GSX1: variants seen among roughly 807,000 people sequenced by gnomAD.
GSX1 encodes GS homeobox 1.
A neutral mutation model predicts 17.7 loss-of-function variants in GSX1; 13 were observed. That is an observed-to-expected ratio of 0.74 (90% CI 0.48 to 1.17). The LOEUF is 1.17. Among genes scored for constraint, GSX1 ranks in the 50% most tolerant of loss-of-function variants. The pLI is 0.00. For synonymous variants in GSX1, 202 were observed against 176.2 expected (o/e 1.15, Z -1.16); for missense variants, 371 against 372.1 (o/e 1.00, Z 0.02).
rs1957077256 is a variant in GSX1, at chr13:27,793,116, C to G, written c.412+14C>G. ...GCATCTCTGTGGGTAAGCGGGGCCG[C>G]CGCGCAGAGGGACCGGGCAGAGGTG... On this transcript the variant is annotated intron_variant, in intron 1 of 1. Coordinates refer to ENST00000302945, the MANE Select transcript of GSX1 (RefSeq NM_145657.3). This position sits in a 1 kb window ranked among gnomAD's most constrained non-coding sequence, Gnocchi z 6.2. 6.6e-7 allele frequency: 1 copy of G among 1,522,526 alleles called. No individual in the cohort carries two copies. Among genetic ancestry groups the G allele is most frequent in the Non-Finnish European group, 8.8e-7 (1 of 1,141,280 alleles). The allele number at this position is 1,522,526 out of a possible 1,614,324, so 94.3% of individuals were successfully genotyped here.
Position 27,794,179 on chromosome 13 carries a change from AAC to A in GSX1, c.*234_*235del. 1.9e-6 allele frequency: 1 copy of A among 539,490 alleles called. No individual in the cohort carries two copies. The highest frequency in any genetic ancestry group is 3.5e-5 in the Admixed American group (1 of 28,442). The allele number at this position is 539,490 out of a possible 1,614,324, so 33.4% of individuals were successfully genotyped here. A position where few individuals can be genotyped will look rare whatever the true frequency, so the allele number is the denominator to read the frequency against. On this transcript the variant is annotated 3_prime_UTR_variant, in exon 2 of 2. Coordinates refer to ENST00000302945, the MANE Select transcript of GSX1 (RefSeq NM_145657.3). ...TGTCCAAAGCCAACTCCAAGCTGTG[AAC>A]ACTGTAAGCGCTCGAGTCCTCCTGG...
At position 27,793,777 on chromosome 13, in the gene GSX1, C is replaced by CA; in HGVS notation, c.625dup (p.Ser209LysfsTer35). The stretch of plus-strand genomic sequence containing the variant: ...TGAAGCACAAGAAGGAGGGCAAGGG[C>CA]AGCAACCATCGTGGCGGCGGCGGCG... On this transcript the variant is annotated frameshift_variant, in exon 2 of 2. Transcript: ENST00000302945. LOFTEE classifies it high-confidence loss of function. The surrounding 1 kb of genome is among the most constrained non-coding windows in gnomAD (Gnocchi z 6.2). The CA allele has an allele frequency of 6.2e-7, 1 of 1,614,108 alleles. No individual in the cohort carries two copies. The highest frequency in any genetic ancestry group is 2.2e-5 in the East Asian group (1 of 44,876).
Position 27,793,984 on chromosome 13 carries a change from C to T in GSX1, c.*36C>T. On this transcript the variant is annotated 3_prime_UTR_variant, in exon 2 of 2. Transcript: ENST00000302945. This position sits in a 1 kb window ranked among gnomAD's most constrained non-coding sequence, Gnocchi z 6.2. ...CCCTAGGTCGCCCACCCCAAGACCT[C>T]CCTGCGCCTCGGAGACTAGTCCTGG... 6.6e-7 allele frequency: 1 copy of T among 1,515,996 alleles called. No homozygotes were observed. Among genetic ancestry groups the T allele is most frequent in the Non-Finnish European group, 8.8e-7 (1 of 1,134,502 alleles). The allele number at this position is 1,515,996 out of a possible 1,614,324, so 93.9% of individuals were successfully genotyped here. A position where few individuals can be genotyped will look rare whatever the true frequency, so the allele number is the denominator to read the frequency against.
chr13:27,792,783 C>A lies in GSX1; in HGVS notation c.93C>A (p.Tyr31Ter). The A allele has an allele frequency of 6.7e-7, 1 of 1,499,546 alleles. No homozygotes were observed. Among genetic ancestry groups the A allele is most frequent in the Non-Finnish European group, 8.8e-7 (1 of 1,132,628 alleles). The allele number at this position is 1,499,546 out of a possible 1,614,324, so 92.9% of individuals were successfully genotyped here. A position where few individuals can be genotyped will look rare whatever the true frequency, so the allele number is the denominator to read the frequency against. Residue 31 changes from tyrosine (Y) to a stop codon, truncating the protein, a stop_gained, in exon 1 of 2, where the codon TAC (tyrosine) becomes TAA (stop). Coordinates refer to ENST00000302945, the MANE Select transcript of GSX1 (RefSeq NM_145657.3). LOFTEE classifies it high-confidence loss of function. ...GCAGCCCGCCGCCGCTCTTCCCCTACGCTGTGCCCCCGCCGCACGCGCTGC... is the reference window on the plus strand; with the variant it reads ...GCAGCCCGCCGCCGCTCTTCCCCTAAGCTGTGCCCCCGCCGCACGCGCTGC... The part of the protein sequence containing the change: ...PEGSPPPLFP[Y>*]AVPPPHALHG...
In GSX1 at chr13:27,793,972, AC is replaced by A; in HGVS notation, c.*28del. The A allele has an allele frequency of 6.6e-7, 1 of 1,520,274 alleles. No homozygotes were observed. Among genetic ancestry groups the A allele is most frequent in the South Asian group, 1.3e-5 (1 of 76,010 alleles). 94.2% of individuals were successfully genotyped at this position (1,520,274 alleles called of 1,614,324 possible). A position where few individuals can be genotyped will look rare whatever the true frequency, so the allele number is the denominator to read the frequency against. On this transcript the variant is annotated 3_prime_UTR_variant, in exon 2 of 2. Coordinates refer to ENST00000302945, the MANE Select transcript of GSX1 (RefSeq NM_145657.3). This position sits in a 1 kb window ranked among gnomAD's most constrained non-coding sequence, Gnocchi z 6.2. ...AGGCGCGTGTCTCCCTAGGTCGCCC[AC>A]CCCAAGACCTCCCTGCGCCTCGGAG...
Position 27,792,712 on chromosome 13 carries a change from G to T in GSX1, c.22G>T (p.Asp8Tyr). The part of the protein sequence containing the change: MPRSFLV[D>Y]SLVLREAGEK... ...GGCCATGCCGCGCTCCTTCCTGGTGGACTCGCTAGTGCTGCGCGAGGCGGG... is the reference window on the plus strand; with the variant it reads ...GGCCATGCCGCGCTCCTTCCTGGTGTACTCGCTAGTGCTGCGCGAGGCGGG... The change falls in exon 1 of 2, where the codon GAC (aspartate) becomes TAC (tyrosine). Residue 8 changes from aspartate to tyrosine, a missense_variant. Physicochemically the swap from Asp to Tyr is radical, Grantham distance 160. Transcript: ENST00000302945. 6.9e-7 allele frequency: 1 copy of T among 1,449,510 alleles called. No homozygotes were observed. The allele number at this position is 1,449,510 out of a possible 1,614,324, so 89.8% of individuals were successfully genotyped here.
rs1372503550 is a variant in GSX1, at chr13:27,793,843, G to A, written c.690G>A (p.Lys230=). The A allele has an allele frequency of 3.7e-6, 6 of 1,611,268 alleles. No homozygotes were observed. The African/African-American group carries it at 4.0e-5, about 11-fold the overall frequency. The change falls in exon 2 of 2, where the codon AAG becomes AAA. Residue 230 remains lysine, a synonymous_variant. Coordinates refer to ENST00000302945, the MANE Select transcript of GSX1 (RefSeq NM_145657.3). This position sits in a 1 kb window ranked among gnomAD's most constrained non-coding sequence, Gnocchi z 6.2. ...GCGGGAGCGCACCGCAAGGCTGCAA[G>A]TGCGCATCGCTCTCCTCAGCCAAGT... is the stretch of plus-strand genomic sequence containing the variant. ...GGGGSAPQGC[K]CASLSSAKCS...
At position 27,792,915 on chromosome 13, in the gene GSX1, G is replaced by C; in HGVS notation, c.225G>C (p.Ala75=). 2 of 1,527,736 alleles carry C rather than the reference G, an allele frequency of 1.3e-6. No individual in the cohort carries two copies. The allele number at this position is 1,527,736 out of a possible 1,614,324, so 94.6% of individuals were successfully genotyped here. ...TGCATGGGCCCCCCGGGCCGCCCGC[G>C]CTGCCTCTACTCAAGGCTTCCTTCC... ...SQLHGPPGPP[A]LPLLKASFPP... Residue 75 remains alanine, a synonymous_variant, in exon 1 of 2, where the codon GCG becomes GCC. Transcript: ENST00000302945.
In GSX1 at chr13:27,794,010, G is replaced by T; in HGVS notation, c.*62G>T. On this transcript the variant is annotated 3_prime_UTR_variant, in exon 2 of 2. Coordinates refer to ENST00000302945, the MANE Select transcript of GSX1 (RefSeq NM_145657.3). ...CCTGCGCCTCGGAGACTAGTCCTGG[G>T]ACTCAGCGCTGATTCCCAGGCACCC... 1.3e-6 allele frequency: 2 copies of T among 1,495,714 alleles called. No individual in the cohort carries two copies. Among genetic ancestry groups the T allele is most frequent in the South Asian group, 1.3e-5 (1 of 74,138 alleles). 92.7% of individuals were successfully genotyped at this position (1,495,714 alleles called of 1,614,324 possible).
rs1260571400 is a variant in GSX1 at position 27,794,081 on chromosome 13, G to A, written c.*133G>A. On this transcript the variant is annotated 3_prime_UTR_variant, in exon 2 of 2. Transcript: ENST00000302945. ...CATGGATTTGGCACTGCTTTGCAGAGGTCCCGGGCCTGGGCAGGGCTGAGA... is the reference window on the plus strand; with the variant it reads ...CATGGATTTGGCACTGCTTTGCAGAAGTCCCGGGCCTGGGCAGGGCTGAGA... 4 of 1,021,362 alleles carry A rather than the reference G, an allele frequency of 3.9e-6. No individual in the cohort carries two copies. The Admixed American group carries it at 1.1e-4, about 29-fold the overall frequency. 63.3% of individuals were successfully genotyped at this position (1,021,362 alleles called of 1,614,324 possible). A position where few individuals can be genotyped will look rare whatever the true frequency, so the allele number is the denominator to read the frequency against.
At position 27,792,682 on chromosome 13, in the gene GSX1, G is replaced by C. The variant is rs1957073297; in HGVS notation, c.-9G>C. 2.2e-6 allele frequency: 3 copies of C among 1,373,848 alleles called. No individual in the cohort carries two copies. Among genetic ancestry groups the C allele is most frequent in the Admixed American group, 3.8e-5 (1 of 26,292 alleles). 85.1% of individuals were successfully genotyped at this position (1,373,848 alleles called of 1,614,324 possible). A position where few individuals can be genotyped will look rare whatever the true frequency, so the allele number is the denominator to read the frequency against. On this transcript the variant is annotated 5_prime_UTR_variant, in exon 1 of 2. Coordinates refer to ENST00000302945, the MANE Select transcript of GSX1 (RefSeq NM_145657.3). ...CGGGCTGGCTGCGGGGCGACCGCGC[G>C]CCGGGGCCATGCCGCGCTCCTTCCT... is the stretch of plus-strand genomic sequence containing the variant.
At position 27,793,471 on chromosome 13, in the gene GSX1, G is replaced by GGTCAAAGTCGTAGGATTCTGGC; in HGVS notation, c.413-93_413-72dup. ...TGTTGGGGCGAAGAGATGGGTAAGA[G>GGTCAAAGTCGTAGGATTCTGGC]GTCAAAGTCGTAGGATTCTGGCGAC... On this transcript the variant is annotated intron_variant, in intron 1 of 1. Transcript: ENST00000302945. This position sits in a 1 kb window ranked among gnomAD's most constrained non-coding sequence, Gnocchi z 6.2. 7.9e-7 allele frequency: 1 copy of GGTCAAAGTCGTAGGATTCTGGC among 1,265,174 alleles called. No homozygotes were observed. 78.4% of individuals were successfully genotyped at this position (1,265,174 alleles called of 1,614,324 possible).
In GSX1 at chr13:27,792,751, C is replaced by A; in HGVS notation, c.61C>A (p.Pro21Thr). The A allele has an allele frequency of 6.7e-7, 1 of 1,485,870 alleles. No homozygotes were observed. The highest frequency in any genetic ancestry group is 8.9e-7 in the Non-Finnish European group (1 of 1,126,596). The allele number at this position is 1,485,870 out of a possible 1,614,324, so 92.0% of individuals were successfully genotyped here. ...GCGCGAGGCGGGCGAGAAGAAGGCG[C>A]CCGAGGGCAGCCCGCCGCCGCTCTT... is the stretch of plus-strand genomic sequence containing the variant. ...VLREAGEKKA[P>T]EGSPPPLFPY... Residue 21 changes from proline (P) to threonine (T), a missense_variant, in exon 1 of 2, where the codon CCC becomes ACC. Transcript: ENST00000302945.
rs1957077496 is a variant in GSX1, at chr13:27,793,149, G to A, written c.412+47G>A. The A allele has an allele frequency of 6.9e-7, 1 of 1,450,838 alleles. No homozygotes were observed. The highest frequency in any genetic ancestry group is 1.4e-5 in the African/African-American group (1 of 69,202). The allele number at this position is 1,450,838 out of a possible 1,614,324, so 89.9% of individuals were successfully genotyped here. A position where few individuals can be genotyped will look rare whatever the true frequency, so the allele number is the denominator to read the frequency against. On this transcript the variant is annotated intron_variant, in intron 1 of 1. Transcript: ENST00000302945. This position sits in a 1 kb window ranked among gnomAD's most constrained non-coding sequence, Gnocchi z 6.2. ...AGGGACCGGGCAGAGGTGATCCGAA[G>A]CAGGATGGAGAGCCAGAGATGGAGG...
Position 27,793,527 on chromosome 13 carries a change from G to A in GSX1, c.413-39G>A, listed in dbSNP as rs1565998175. ...ACCAAGGGATTGGGTCCACAGCACA[G>A]AGGTCTGATCGCTTCCTTCTCTGCT... is the stretch of plus-strand genomic sequence containing the variant. On this transcript the variant is annotated intron_variant, in intron 1 of 1. Transcript: ENST00000302945. The surrounding 1 kb of genome is among the most constrained non-coding windows in gnomAD (Gnocchi z 6.2). 1 of 1,574,712 alleles carries A rather than the reference G, an allele frequency of 6.4e-7. No individual in the cohort carries two copies. The highest frequency in any genetic ancestry group is 1.2e-5 in the South Asian group (1 of 84,846).
In GSX1 at chr13:27,794,766, A is replaced by AG. The variant is rs1314981222; in HGVS notation, c.*818_*819insG. On this transcript the variant is annotated 3_prime_UTR_variant, in exon 2 of 2. Coordinates refer to ENST00000302945, the MANE Select transcript of GSX1 (RefSeq NM_145657.3). ...AATTGTACGGCCTCTGCAATGCCAG[A>AG]AGATATTTATTTATTTATTTATGTA... is the stretch of plus-strand genomic sequence containing the variant. 1 of 152,226 alleles carries AG rather than the reference A, an allele frequency of 6.6e-6. No homozygotes were observed. The highest frequency in any genetic ancestry group is 6.5e-5 in the Admixed American group (1 of 15,294). 9.4% of individuals were successfully genotyped at this position (152,226 alleles called of 1,614,324 possible).
rs1480568360 is a variant in GSX1, at chr13:27,793,864, C to G, written c.711C>G (p.Ala237=). Residue 237 remains alanine, a synonymous_variant, in exon 2 of 2, where the codon GCC becomes GCG. Transcript: ENST00000302945. The surrounding 1 kb of genome is among the most constrained non-coding windows in gnomAD (Gnocchi z 6.2). Reference sequence around the variant, plus strand: ...GCAAGTGCGCATCGCTCTCCTCAGCCAAGTGCTCCGAGGATGACGACGAAT... The same window carrying G: ...GCAAGTGCGCATCGCTCTCCTCAGCGAAGTGCTCCGAGGATGACGACGAAT... ...QGCKCASLSS[A]KCSEDDDELP... 4.4e-6 allele frequency: 7 copies of G among 1,604,662 alleles called. No homozygotes were observed. Among genetic ancestry groups the G allele is most frequent in the Non-Finnish European group, 6.0e-6 (7 of 1,174,250 alleles).
chr13:27,792,502 A>G lies in GSX1; in HGVS notation c.-189A>G, dbSNP rs1957071845. Reference sequence around the variant, plus strand: ...TTCAGCACCACTAGCGCTGGCCAGCACCCCGCGCTCTTTGGGCGGTGCCCA... The same window carrying G: ...TTCAGCACCACTAGCGCTGGCCAGCGCCCCGCGCTCTTTGGGCGGTGCCCA... On this transcript the variant is annotated 5_prime_UTR_variant, in exon 1 of 2. Coordinates refer to ENST00000302945, the MANE Select transcript of GSX1 (RefSeq NM_145657.3). 1 of 513,152 alleles carries G rather than the reference A, an allele frequency of 1.9e-6. No individual in the cohort carries two copies. Among genetic ancestry groups the G allele is most frequent in the Non-Finnish European group, 3.2e-6 (1 of 313,166 alleles). The allele number at this position is 513,152 out of a possible 1,614,324, so 31.8% of individuals were successfully genotyped here.
rs1957076929 is a variant in GSX1, at chr13:27,793,062, C to T, written c.372C>T (p.Tyr124=). Residue 124 remains tyrosine (Y), a synonymous_variant, in exon 1 of 2, where the codon TAC becomes TAT. Coordinates refer to ENST00000302945, the MANE Select transcript of GSX1 (RefSeq NM_145657.3). This position sits in a 1 kb window ranked among gnomAD's most constrained non-coding sequence, Gnocchi z 6.2. ...CCGCCGCGCTCTACCAGACCTCCTA[C>T]CCGCTGCCTGACCCCAGGCAGTTCC... is the stretch of plus-strand genomic sequence containing the variant. ...AAAAALYQTS[Y]PLPDPRQFHC... is the part of the protein sequence containing the mutation. 3 of 1,582,504 alleles carry T rather than the reference C, an allele frequency of 1.9e-6. No homozygotes were observed. The highest frequency in any genetic ancestry group is 2.6e-6 in the Non-Finnish European group (3 of 1,171,420).
Sources: allele counts gnomAD v4.1 joint callset, GRCh38; gene constraint gnomAD v4.1.1; non-coding constraint Gnocchi (gnomAD v3.1); transcripts MANE v1.5; gene names NCBI Gene and HGNC (gene_info 2026-07-23, HGNC 2026-07-21).